CREBBP: variants seen among roughly 807,000 people sequenced by gnomAD.
CREBBP encodes CREB binding lysine acetyltransferase, also known as CREB-binding protein.
A neutral mutation model predicts 265.0 loss-of-function variants in CREBBP; 19 were observed. The ratio of observed to expected loss-of-function variants is 0.07; its 90% CI spans 0.05 to 0.11. The LOEUF (loss-of-function observed/expected upper bound fraction) is 0.11, where lower values mean the gene tolerates loss of function less well. Ranked by LOEUF, CREBBP falls within the 10% of genes least tolerant of loss-of-function variation. CREBBP has a pLI of 1.00. For synonymous variants in CREBBP, 1,457 were observed against 1,223.7 expected, an observed-to-expected ratio of 1.19 and a Z score of -3.98; for missense variants, 2,525 against 3,219.0, an observed-to-expected ratio of 0.78 and a Z score of 5.22.
At position 3,806,246 on chromosome 16, in the gene CREBBP, TAC is replaced by T. The variant is rs575094539; in HGVS notation, c.975+4355_975+4356del. 1.6e-3 allele frequency among the ~76,000 whole-genome samples: 242 copies of T among 152,294 alleles called. 3 individuals carry two copies. The highest frequency in any genetic ancestry group is 5.6e-3 in the African/African-American group (231 of 41,554). On this transcript the variant is annotated intron_variant, in intron 3 of 30. Coordinates refer to ENST00000262367, the MANE Select transcript of CREBBP (RefSeq NM_004380.3). ...AAGACCACTCTCCCATCCTCCCGTCTACACAGTCTTCCAGCCACACCACCCTT... is the reference window on the plus strand; with the variant it reads ...AAGACCACTCTCCCATCCTCCCGTCTACAGTCTTCCAGCCACACCACCCTT...
Position 3,728,728 on chromosome 16 carries a change from T to G in CREBBP, c.6319A>C (p.Lys2107Gln), listed in dbSNP as rs2051823680. The G allele has an allele frequency of 6.2e-7, 1 of 1,613,802 alleles. No individual in the cohort carries two copies. The highest frequency in any genetic ancestry group is 1.1e-5 in the South Asian group (1 of 91,092). ...MAAFIKQRTA[K>Q]YVANQPGMQP... ...ATGCCGGGCTGATTGGCCACGTACT[T>G]GGCTGTGCGCTGTTTGATGAAAGCT... is the stretch of plus-strand genomic sequence containing the variant. Residue 2107 changes from lysine (K) to glutamine (Q), a missense_variant, in exon 31 of 31, where the codon AAG becomes CAG. By Grantham distance (53) the Lys-to-Gln change is moderately conservative. Around this residue, in one of 19 missense-constraint regions of CREBBP, gnomAD observed 473 missense variants for 459.3 expected, o/e 1.03. Transcript: ENST00000262367. The surrounding 1 kb of genome is among the most constrained non-coding windows in gnomAD (Gnocchi z 8.7).
At chr16:3,761,473 G>T (rs1397463997) in intron 16 of CREBBP, 1 of 504,676 alleles carries the variant, frequency 2.0e-6, no homozygotes, top group African/African-American at 2.0e-5. Flanking sequence ...AAGTTGGAAG[G>T]AAAAACCCAT....
chr16:3,740,476 A>C lies in CREBBP; in HGVS notation c.4056T>G (p.Pro1352=). The C allele has an allele frequency of 6.2e-7, 1 of 1,614,186 alleles. No homozygotes were observed. Among genetic ancestry groups the C allele is most frequent in the Non-Finnish European group, 8.5e-7 (1 of 1,180,030 alleles). The change falls in exon 24 of 31, where the codon CCT becomes CCG. Residue 1352 remains proline (P), a synonymous_variant. Coordinates refer to ENST00000262367, the MANE Select transcript of CREBBP (RefSeq NM_004380.3). The part of the protein sequence containing the change: ...VNKFLRRQNH[P]EAGEVFVRVV... ...CTCGGACAAAAACCTCCCCGGCTTC[A>C]GGGTGATTCTGGCGCCGCAAAAATT... is the stretch of plus-strand genomic sequence containing the variant.
chr16:3,802,757 C>A (rs899265306), intron 3 of CREBBP, among the ~76,000 whole-genome samples: 4 of 150,116 alleles, frequency 2.7e-5, no homozygotes, highest in African/African-American at 9.8e-5. Flanking sequence ...GCCCCGGATC[C>A]ACACCAGGCT....
intron 5 of CREBBP, among the ~76,000 whole-genome samples, chr16:3,784,706 C>T (rs1383625893): frequency 6.6e-6 from 1 of 152,138 alleles, no homozygotes; most frequent in Non-Finnish European, 1.5e-5. Context: ...TCCCGTAAAC[C>T]CTTTATTGAC....
At chr16:3,780,450 G>C (rs74003403) in intron 8 of CREBBP, among the ~76,000 whole-genome samples, 1 of 152,074 alleles carries the variant, frequency 6.6e-6, no homozygotes, top group Non-Finnish European at 1.5e-5. Flanking sequence ...CATTAAGGCC[G>C]GGCTGCACTG....
intron 3 of CREBBP, among the ~76,000 whole-genome samples, chr16:3,805,099 C>A (rs970894210): frequency 6.6e-6 from 1 of 152,178 alleles, no homozygotes; most frequent in Non-Finnish European, 1.5e-5. Context: ...CCAAAACCAA[C>A]GGGGATAAGT....
At chr16:3,864,747 G>T (rs1339257202) in intron 1 of CREBBP, among the ~76,000 whole-genome samples, 2 of 152,172 alleles carry the variant, frequency 1.3e-5, no homozygotes, top group African/African-American at 4.8e-5. Flanking sequence ...CAACCTTAGT[G>T]TTACTCATCA....
chr16:3,819,269 T>C (rs1346168260), intron 2 of CREBBP, among the ~76,000 whole-genome samples: 5 of 152,276 alleles, frequency 3.3e-5, no homozygotes. Context: ...CTTAAACCTC[T>C]CTGCACCTTG....
At chr16:3,759,077 T>C (rs1032988519) in intron 16 of CREBBP, 105 bp from the exon 17 acceptor site, 8 of 893,886 alleles carry the variant, frequency 8.9e-6, no homozygotes, top group African/African-American at 8.2e-5. Context: ...CCAGCCACGA[T>C]GCTCCTAAGG....
rs2052301281 is a variant in CREBBP, at chr16:3,744,818, C to G, written c.3982+76G>C. The G allele has an allele frequency of 6.0e-6, 7 of 1,174,730 alleles. No individual in the cohort carries two copies. In the East Asian group the frequency reaches 1.6e-4, roughly 28 times the overall value. The allele number at this position is 1,174,730 out of a possible 1,614,324, so 72.8% of individuals were successfully genotyped here. A position where few individuals can be genotyped will look rare whatever the true frequency, so the allele number is the denominator to read the frequency against. ...CTCAGAACCATGTGTTGAGAGGAAC[C>G]AAAGAACAATGGGGACAATTTCTAC... is the stretch of plus-strand genomic sequence containing the variant. On this transcript the variant is annotated intron_variant, in intron 23 of 30. Coordinates refer to ENST00000262367, the MANE Select transcript of CREBBP (RefSeq NM_004380.3).
At chr16:3,848,685 T>C (rs1335104418) in intron 2 of CREBBP, among the ~76,000 whole-genome samples, 1 of 152,174 alleles carries the variant, frequency 6.6e-6, no homozygotes, top group Non-Finnish European at 1.5e-5. Flanking sequence ...CTTCATATGA[T>C]TTAAACTCTC....
rs201161108 is a variant in CREBBP, at chr16:3,728,195, G to C, written c.6852C>G (p.Thr2284=). ...MGQPGLGADS[T]PNIQQALQQR... is the part of the protein sequence containing the mutation. ...GCTGCAGGGCTTGCTGGATGTTGGG[G>C]GTGCTGTCTGCCCCCAGCCCCGGCT... Residue 2284 remains threonine, a synonymous_variant, in exon 31 of 31, where the codon ACC becomes ACG. Transcript: ENST00000262367. The surrounding 1 kb of genome is among the most constrained non-coding windows in gnomAD (Gnocchi z 8.7). 138 of 1,613,792 alleles carry C rather than the reference G, an allele frequency of 8.6e-5. No individual in the cohort carries two copies. The highest frequency in any genetic ancestry group is 1.0e-4 in the Admixed American group (6 of 59,998).
intron 5 of CREBBP, 114 bp from the exon 6 acceptor site, chr16:3,783,040 T>C: frequency 7.4e-7 from 1 of 1,345,724 alleles, no homozygotes; most frequent in African/African-American, 1.5e-5. Context: ...ATACTACACA[T>C]GAATATCATA....
intron 5 of CREBBP, among the ~76,000 whole-genome samples, chr16:3,789,736 CA>C (rs1438999329): frequency 2.6e-5 from 4 of 151,964 alleles, no homozygotes; most frequent in Non-Finnish European, 5.9e-5. Context: ...AACCTTGCAG[CA>C]AGTTAATCTA....
At chr16:3,818,064 A>G (rs1190238676) in intron 2 of CREBBP, among the ~76,000 whole-genome samples, 1 of 152,112 alleles carries the variant, frequency 6.6e-6, no homozygotes, top group African/African-American at 2.4e-5. Context: ...CCACTCCGAC[A>G]AACAAACTCC....
At chr16:3,849,426 T>TGTGTGTGTGTGTGTGTG (rs2054749025) in intron 2 of CREBBP, among the ~76,000 whole-genome samples, 2 of 7,778 alleles carry the variant, frequency 2.6e-4, no homozygotes, top group Non-Finnish European at 1.6e-3. Context: ...TGTGTGTGTG[T>TGTGTGTGTGTGTGTGTG]GTGTGTGTGT....
chr16:3,850,482 G>T lies in CREBBP; in HGVS notation c.613C>A (p.Gln205Lys), dbSNP rs1597053504. The change falls in exon 2 of 31, where the codon CAG becomes AAG. Residue 205 changes from glutamine (Q) to lysine (K), a missense_variant. By Grantham distance (53) the Gln-to-Lys change is moderately conservative (BLOSUM62 1). This residue lies in a region of CREBBP where 356 missense variants were observed against 340.4 expected (regional missense o/e 1.05). Coordinates refer to ENST00000262367, the MANE Select transcript of CREBBP (RefSeq NM_004380.3). ...HSLINQASQG[Q>K]AQVMNGSLGA... ...AGAGATCCATTCATGACTTGCGCCT[G>T]CCCTTGTGAAGCCTGATTAATTAAG... 1.9e-6 allele frequency: 3 copies of T among 1,614,234 alleles called. No individual in the cohort carries two copies. The highest frequency in any genetic ancestry group is 2.5e-6 in the Non-Finnish European group (3 of 1,180,036).
intron 2 of CREBBP, among the ~76,000 whole-genome samples, chr16:3,834,955 G>A (rs868563697): frequency 3.3e-5 from 5 of 152,090 alleles, no homozygotes; most frequent in Admixed American, 1.3e-4. Flanking sequence ...TCACGAGATC[G>A]AGACCATCCT....
Sources: gnomAD v4.1 joint callset for allele counts (sites outside exome capture counted in the v4.1 genomes callset) on GRCh38, gnomAD v4.1.1 for gene constraint, gnomAD v4.1.1 regional missense constraint, Gnocchi (gnomAD v3.1) non-coding constraint, MANE v1.5 for transcripts, NCBI Gene and HGNC (gene_info 2026-07-23, HGNC 2026-07-21) for gene names.